TMEM68: variants seen among roughly 807,000 people sequenced by gnomAD.
The protein encoded by TMEM68 is DGAT1/2-independent enzyme synthesizing storage lipids.
A neutral mutation model predicts 36.9 loss-of-function variants in TMEM68; 25 were observed. The observed-to-expected ratio is 0.68, with a 90% CI of 0.49 to 0.95. The LOEUF is 0.95. Ranked by LOEUF, TMEM68 falls within the 40% of genes least tolerant of loss-of-function variation. TMEM68 has a pLI of 0.00. For missense variants in TMEM68, 333 were observed against 392.0 expected, an observed-to-expected ratio of 0.85 and a Z score of 1.27; for synonymous variants, 131 against 124.4, an observed-to-expected ratio of 1.05 and a Z score of -0.35.
intron 4 of TMEM68, among the ~76,000 whole-genome samples, chr8:55,753,269 T>C (rs1810472515): frequency 6.6e-6 from 1 of 152,118 alleles, no homozygotes; most frequent in Non-Finnish European, 1.5e-5. Flanking sequence ...AAGTAAATGT[T>C]CTAGTCATAC....
At chr8:55,756,123 C>A in intron 4 of TMEM68, 121 bp downstream of exon 4, 2 of 691,782 alleles carry the variant, frequency 2.9e-6, no homozygotes, top group Non-Finnish European at 4.5e-6. Context: ...GAGTGTTATA[C>A]ACACCCTAAA....
intron 3 of TMEM68, among the ~76,000 whole-genome samples, chr8:55,757,965 G>C (rs1347796542): frequency 2.0e-5 from 3 of 152,146 alleles, no homozygotes; most frequent in Non-Finnish European, 4.4e-5. Flanking sequence ...AAACTGAGGA[G>C]TGCTATACCC....
At chr8:55,764,092 A>G (rs1486630316) in intron 1 of TMEM68, 112 bp from the exon 2 acceptor site, 1 of 152,220 alleles carries the variant, frequency 6.6e-6, no homozygotes, top group African/African-American at 2.4e-5. Context: ...GACATTCATA[A>G]ATGTTTAAGA....
chr8:55,750,541 CT>C (rs10674110), intron 5 of TMEM68, among the ~76,000 whole-genome samples: 38 of 137,554 alleles, frequency 2.8e-4, no homozygotes, highest in African/African-American at 4.0e-4. Flanking sequence ...ATTCTCCAGT[CT>C]TTTTTTTTTT....
chr8:55,771,580 A>G (rs2130059545), intron 1 of TMEM68, among the ~76,000 whole-genome samples: 1 of 152,216 alleles, frequency 6.6e-6, no homozygotes, highest in South Asian at 2.1e-4. Flanking sequence ...TCGCGCCACT[A>G]CACTACAGCC....
At chr8:55,772,289 T>C (rs1042826756) in intron 1 of TMEM68, among the ~76,000 whole-genome samples, 5 of 152,222 alleles carry the variant, frequency 3.3e-5, no homozygotes, top group African/African-American at 1.2e-4. Flanking sequence ...TTTTATATAG[T>C]TCTGAAGAAG....
intron 3 of TMEM68, 115 bp downstream of exon 3, chr8:55,762,520 A>G (rs1273628305): frequency 1.3e-6 from 2 of 1,533,410 alleles, no homozygotes; most frequent in African/African-American, 2.8e-5. Context: ...GGAATAGTAA[A>G]TATCACTTCT....
At chr8:55,772,797 C>CT (rs1811224394) in intron 1 of TMEM68, among the ~76,000 whole-genome samples, 1 of 152,172 alleles carries the variant, frequency 6.6e-6, no homozygotes, top group South Asian at 2.1e-4. Flanking sequence ...TACGAACGCT[C>CT]TACCCACGCG....
At chr8:55,767,272 A>G (rs1274225798) in intron 1 of TMEM68, among the ~76,000 whole-genome samples, 1 of 152,216 alleles carries the variant, frequency 6.6e-6, no homozygotes. Context: ...TTATTCACTT[A>G]TAAGCATTAA....
intron 1 of TMEM68, among the ~76,000 whole-genome samples, chr8:55,771,216 T>G (rs550060887): frequency 1.3e-5 from 2 of 151,820 alleles, no homozygotes; most frequent in African/African-American, 4.8e-5. Flanking sequence ...GGTGAGGATA[T>G]GGACCTTACA....
At position 55,768,988 on chromosome 8, in the gene TMEM68, C is replaced by T. The variant is rs868712174; in HGVS notation, c.-115+4281G>A. On this transcript the variant is annotated intron_variant, in intron 1 of 7. Transcript: ENST00000434581. ...TAATGATCAAGCCACTGCACTCCAGCCTCAGTGAAAGAGCAAGAGACTCTG... is the reference window on the plus strand; with the variant it reads ...TAATGATCAAGCCACTGCACTCCAGTCTCAGTGAAAGAGCAAGAGACTCTG... 3.9e-4 allele frequency among the ~76,000 whole-genome samples: 54 copies of T among 139,996 alleles called. 1 individual carries two copies. The highest frequency in any genetic ancestry group is 1.0e-3 in the Admixed American group (13 of 13,042). The allele number at this position is 139,996 out of a possible 152,430, so 91.8% of individuals were successfully genotyped here. A position where few individuals can be genotyped will look rare whatever the true frequency, so the allele number is the denominator to read the frequency against.
In TMEM68 at chr8:55,773,086, G is replaced by A. The variant is rs1382086714; in HGVS notation, c.-115+183C>T. The A allele has an allele frequency of 2.0e-5, 3 of 152,506 alleles. No homozygotes were observed. In the East Asian group the frequency reaches 5.8e-4, roughly 29 times the overall value. 9.4% of individuals were successfully genotyped at this position (152,506 alleles called of 1,614,324 possible). On this transcript the variant is annotated intron_variant, in intron 1 of 7. Transcript: ENST00000434581. Reference sequence around the variant, plus strand: ...CTCTGGCGCTGGGGCGCAACACTGAGGCCGGCGGGAAGCCGAGCCTGCCCG... The same window carrying A: ...CTCTGGCGCTGGGGCGCAACACTGAAGCCGGCGGGAAGCCGAGCCTGCCCG...
chr8:55,749,830 T>G (rs1227320542), intron 5 of TMEM68, among the ~76,000 whole-genome samples: 3 of 152,148 alleles, frequency 2.0e-5, no homozygotes, highest in East Asian at 3.8e-4. Flanking sequence ...TAAAAAGGTA[T>G]TTCTTAAACT....
intron 1 of TMEM68, among the ~76,000 whole-genome samples, chr8:55,768,730 C>T (rs1811053610): frequency 6.6e-6 from 1 of 151,974 alleles, no homozygotes; most frequent in African/African-American, 2.4e-5. Context: ...CCTGTAATCT[C>T]AGCTACTCGG....
At chr8:55,752,204 T>C (rs2129952020) in intron 4 of TMEM68, among the ~76,000 whole-genome samples, 2 of 151,584 alleles carry the variant, frequency 1.3e-5, no homozygotes, top group East Asian at 3.9e-4. Context: ...CAAGACTCTG[T>C]CTCAAAGAAA....
chr8:55,758,904 A>G (rs1010455512), intron 3 of TMEM68, among the ~76,000 whole-genome samples: 5 of 152,144 alleles, frequency 3.3e-5, no homozygotes, highest in Non-Finnish European at 5.9e-5. Context: ...TGGAAACTAT[A>G]AAAAAATAGA....
chr8:55,771,553 G>A (rs1811167938), intron 1 of TMEM68, among the ~76,000 whole-genome samples: 1 of 152,090 alleles, frequency 6.6e-6, no homozygotes, highest in Non-Finnish European at 1.5e-5. Context: ...GGAGGTAGAG[G>A]TTGCTGTGAG....
Position 55,768,349 on chromosome 8 carries a change from G to C in TMEM68, c.-114-4369C>G, listed in dbSNP as rs143148130. Among the ~76,000 whole-genome samples the C allele has an allele frequency of 1.6e-3, 241 of 152,234 alleles. 1 individual carries two copies. The highest frequency in any genetic ancestry group is 5.4e-3 in the African/African-American group (224 of 41,532). ...AGCAAATATAAAAACTCACAAAGGA[G>C]GAAAGAAACAGGTGGGTATCTAGAA... is the stretch of plus-strand genomic sequence containing the variant. On this transcript the variant is annotated intron_variant, in intron 1 of 7. Coordinates refer to ENST00000434581, the MANE Select transcript of TMEM68 (RefSeq NM_001286657.2).
At chr8:55,740,654 C>T (rs556797096) in intron 7 of TMEM68, among the ~76,000 whole-genome samples, 2 of 152,208 alleles carry the variant, frequency 1.3e-5, no homozygotes, top group South Asian at 2.1e-4. Context: ...AGAAAAATTT[C>T]GAGTAGGCAA....
Sources: gnomAD v4.1 joint callset for allele counts (sites outside exome capture counted in the v4.1 genomes callset) on GRCh38, gnomAD v4.1.1 for gene constraint, MANE v1.5 for transcripts, NCBI Gene and HGNC (gene_info 2026-07-23, HGNC 2026-07-21) for gene names.